Variants in LRP1B observed in about 807,000 individuals in gnomAD.
The protein encoded by LRP1B is LDL receptor related protein 1B, also known as low-density lipoprotein receptor-related protein 1B.
In LRP1B, 217 loss-of-function variants were observed where a neutral mutation model predicts 556.6. That is an observed-to-expected ratio of 0.39 (90% CI 0.35 to 0.44). LRP1B has a LOEUF of 0.44. LRP1B is among the 20% of genes least tolerant of loss of function. The pLI is 1.00. For synonymous variants in LRP1B, 2,047 were observed against 1,865.8 expected, an observed-to-expected ratio of 1.10 and a Z score of -2.50; for missense variants, 5,053 against 5,620.8, an observed-to-expected ratio of 0.90 and a Z score of 3.23.
chr2:140,580,702 A>G (rs1681727121), intron 43 of LRP1B, among the ~76,000 whole-genome samples: 1 of 152,214 alleles, frequency 6.6e-6, no homozygotes, highest in Non-Finnish European at 1.5e-5. Context: ...GAAAAACTAC[A>G]GACTGAATTA....
Position 140,972,286 on chromosome 2 carries a change from A to G in LRP1B, c.2887+9874T>C, listed in dbSNP as rs78638113. On this transcript the variant is annotated intron_variant, in intron 18 of 90. Transcript: ENST00000389484. ...TATGGAACAAGGAAATAAACAGAAT[A>G]AGGAAGTCTGGGATGCAATGAATAA... Among the ~76,000 whole-genome samples, 434 of 152,332 alleles carry G rather than the reference A, an allele frequency of 2.8e-3. 2 individuals carry two copies. The highest frequency in any genetic ancestry group is 9.7e-3 in the African/African-American group (405 of 41,588).
chr2:141,700,951 G>C (rs77094757), intron 2 of LRP1B, among the ~76,000 whole-genome samples: 1 of 151,820 alleles, frequency 6.6e-6, no homozygotes, highest in African/African-American at 2.4e-5. Flanking sequence ...GGCATCAGCA[G>C]CTAGGTTTGA....
intron 1 of LRP1B, among the ~76,000 whole-genome samples, chr2:142,016,608 C>A (rs1002909362): frequency 2.6e-5 from 4 of 151,340 alleles, no homozygotes; most frequent in South Asian, 2.1e-4. Flanking sequence ...TGTTCTCACT[C>A]ATAAGTGGGA....
At chr2:140,332,676 A>T (rs1003221132) in intron 79 of LRP1B, among the ~76,000 whole-genome samples, 45 of 152,036 alleles carry the variant, frequency 3.0e-4, no homozygotes, top group Non-Finnish European at 6.2e-4. Context: ...TACTCCAAAT[A>T]GTGGCTCAAA....
At chr2:141,120,086 T>C (rs944442246) in intron 7 of LRP1B, among the ~76,000 whole-genome samples, 1 of 151,906 alleles carries the variant, frequency 6.6e-6, no homozygotes, top group African/African-American at 2.4e-5. Flanking sequence ...CAACTCTTCA[T>C]TGAGTGACAG....
chr2:140,785,401 C>T (rs190635838), intron 32 of LRP1B, among the ~76,000 whole-genome samples: 34 of 152,160 alleles, frequency 2.2e-4, no homozygotes, highest in African/African-American at 6.5e-4. Flanking sequence ...GGCAGGACAG[C>T]AGCAAATCTA....
At chr2:140,615,424 T>C (rs1466015992) in intron 41 of LRP1B, among the ~76,000 whole-genome samples, 1 of 152,088 alleles carries the variant, frequency 6.6e-6, no homozygotes, top group African/African-American at 2.4e-5. Flanking sequence ...GTCTGACCAC[T>C]TGGATAACCC....
At chr2:141,601,179 A>G (rs1219428175) in intron 2 of LRP1B, among the ~76,000 whole-genome samples, 1 of 150,096 alleles carries the variant, frequency 6.7e-6, no homozygotes. Flanking sequence ...GATCCTAAAC[A>G]TATAGTATCT....
At chr2:141,322,822 A>G (rs1468031661) in intron 3 of LRP1B, among the ~76,000 whole-genome samples, 1 of 152,070 alleles carries the variant, frequency 6.6e-6, no homozygotes, top group Non-Finnish European at 1.5e-5. Context: ...TATTGAAGAG[A>G]TGTAGCATCC....
Position 141,286,756 on chromosome 2 carries a change from G to C in LRP1B, c.344-32115C>G, listed in dbSNP as rs750961586. 1.9e-4 allele frequency: 84 copies of C among 441,236 alleles called. 2 individuals carry two copies. Among genetic ancestry groups the C allele is most frequent in the South Asian group, 1.3e-3 (79 of 63,060 alleles). The allele number at this position is 441,236 out of a possible 1,614,324, so 27.3% of individuals were successfully genotyped here. ...AATTTGTACATTGAATTTGTACATT[G>C]TACATTTGTACTTGTACATTGTACA... On this transcript the variant is annotated intron_variant, in intron 3 of 90. Transcript: ENST00000389484.
chr2:140,233,241 C>T lies in LRP1B; in HGVS notation c.13745G>A (p.Arg4582Lys), dbSNP rs1020304835. Reference sequence around the variant, plus strand: ...TATTTTCTTTGGAAGCAGTTCTTTCCTTTCATCAACACTTCCTAAGGAGTT... The same window carrying T: ...TATTTTCTTTGGAAGCAGTTCTTTCTTTTCATCAACACTTCCTAAGGAGTT... ...CRNSLGSVDE[R>K]KELLPKKIEI... Residue 4582 changes from arginine (R) to lysine (K), a missense_variant, in exon 91 of 91, where the codon AGG (arginine) becomes AAG (lysine). Around this residue, in one of 5 missense-constraint regions of LRP1B, gnomAD observed 551 missense variants for 592.0 expected, o/e 0.93. Transcript: ENST00000389484. The T allele has an allele frequency of 3.7e-6, 6 of 1,605,546 alleles. No homozygotes were observed. Among genetic ancestry groups the T allele is most frequent in the Non-Finnish European group, 5.1e-6 (6 of 1,174,446 alleles).
At chr2:140,531,667 T>C (rs1193912069) in intron 47 of LRP1B, among the ~76,000 whole-genome samples, 1 of 152,140 alleles carries the variant, frequency 6.6e-6, no homozygotes, top group African/African-American at 2.4e-5. Context: ...AAAAACTGTT[T>C]ACATTCACTG....
chr2:140,619,374 A>G (rs1465763993), intron 41 of LRP1B, among the ~76,000 whole-genome samples: 1 of 152,166 alleles, frequency 6.6e-6, no homozygotes, highest in Non-Finnish European at 1.5e-5. Flanking sequence ...ATGTGTGTGT[A>G]TGTATATGTA....
At chr2:140,909,171 T>G (rs1694345277) in intron 21 of LRP1B, among the ~76,000 whole-genome samples, 1 of 152,178 alleles carries the variant, frequency 6.6e-6, no homozygotes, top group South Asian at 2.1e-4. Flanking sequence ...TTCTTATTAA[T>G]TATCTTTTCC....
intron 3 of LRP1B, among the ~76,000 whole-genome samples, chr2:141,441,395 T>A (rs1680961759): frequency 6.6e-6 from 1 of 152,144 alleles, no homozygotes; most frequent in East Asian, 1.9e-4. Flanking sequence ...GGTTTTATTA[T>A]GGGAATACCT....
chr2:141,110,316 CA>C (rs5834806), intron 7 of LRP1B, among the ~76,000 whole-genome samples: 45,983 of 151,662 alleles, frequency 0.3, 7,391 homozygotes, highest in East Asian at 0.64. Context: ...TATATTAAGC[CA>C]AAAAAATGCA....
intron 25 of LRP1B, among the ~76,000 whole-genome samples, chr2:140,870,225 T>C (rs1693085810): frequency 6.6e-6 from 1 of 152,182 alleles, no homozygotes; most frequent in African/African-American, 2.4e-5. Flanking sequence ...TCTGAGAGGC[T>C]TTATTTGCAT....
In LRP1B at chr2:140,707,333, C is replaced by T. The variant is rs566420265; in HGVS notation, c.6024-4780G>A. On this transcript the variant is annotated intron_variant, in intron 37 of 90. Transcript: ENST00000389484. The stretch of plus-strand genomic sequence containing the variant: ...AGTTGGCCTTGGTCAAGAAAAGAAT[C>T]GAGAATGTCATTGTGTCGTCTCCTA... Among the ~76,000 whole-genome samples, 4 of 152,148 alleles carry T rather than the reference C, an allele frequency of 2.6e-5. No homozygotes were observed. In the South Asian group the frequency reaches 8.3e-4, roughly 32 times the overall value.
Position 140,485,332 on chromosome 2 carries a change from T to A in LRP1B, c.9425+11A>T. The A allele has an allele frequency of 6.2e-7, 1 of 1,603,276 alleles. No individual in the cohort carries two copies. The highest frequency in any genetic ancestry group is 1.3e-5 in the African/African-American group (1 of 74,354). On this transcript the variant is annotated intron_variant, in intron 59 of 90. Coordinates refer to ENST00000389484, the MANE Select transcript of LRP1B (RefSeq NM_018557.3). ...TCTTAAACTTTAAGATTTTTAACAG[T>A]TTTTACAAACCCAGCTTGAGGATCT...
Sources: allele counts gnomAD v4.1 joint callset (sites outside exome capture counted in the v4.1 genomes callset), GRCh38; gene constraint gnomAD v4.1.1; regional missense constraint gnomAD v4.1.1; transcripts MANE v1.5; gene names NCBI Gene and HGNC (gene_info 2026-07-23, HGNC 2026-07-21).